The following DPP6 variants were observed in gnomAD, a reference collection of about 807,000 sequenced individuals.
DPP6 encodes the protein dipeptidyl peptidase like 6.
Under a neutral mutation model 122.6 loss-of-function variants are expected in DPP6, and 69 were observed. The observed-to-expected ratio is 0.56, with a 90% confidence interval of 0.46 to 0.69. The LOEUF (loss-of-function observed/expected upper bound fraction) is 0.69. Ranked by LOEUF, DPP6 falls within the 30% of genes least tolerant of loss-of-function variation. The probability of loss-of-function intolerance (pLI) is 0.00; values close to 1 mark genes in which losing one functional copy is unlikely to be tolerated. For missense variants in DPP6, 928 were observed against 1,116.9 expected, an observed-to-expected ratio of 0.83 and a Z score of 2.41; for synonymous variants, 418 against 433.1, an observed-to-expected ratio of 0.97 and a Z score of 0.43.
intron 1 of DPP6, among the ~76,000 whole-genome samples, chr7:153,928,018 C>T (rs747858123): frequency 7.9e-5 from 12 of 152,136 alleles, no homozygotes; most frequent in African/African-American, 1.2e-4. Flanking sequence ...CTTTCTCTTG[C>T]GCTGTCTCCC....
chr7:154,124,992 G>GGTGT (rs938329234), intron 1 of DPP6, among the ~76,000 whole-genome samples: 1 of 152,130 alleles, frequency 6.6e-6, no homozygotes, highest in East Asian at 1.9e-4. Context: ...AGGGGGCTGA[G>GGTGT]GTGTGTGTGT....
At chr7:154,671,459 C>T (rs992223528) in intron 7 of DPP6, among the ~76,000 whole-genome samples, 14 of 152,318 alleles carry the variant, frequency 9.2e-5, no homozygotes, top group Admixed American at 7.2e-4. Flanking sequence ...ACCATACCTG[C>T]GGCCTCGCTT....
chr7:153,956,465 C>T (rs978544602), intron 1 of DPP6, among the ~76,000 whole-genome samples: 2 of 152,114 alleles, frequency 1.3e-5, no homozygotes, highest in Non-Finnish European at 2.9e-5. Flanking sequence ...GCATAGAAAG[C>T]CCAGGTGATA....
intron 1 of DPP6, chr7:154,305,596 G>T: frequency 6.4e-7 from 1 of 1,558,234 alleles, no homozygotes; most frequent in Non-Finnish European, 8.7e-7. Flanking sequence ...GTGCGTGCGT[G>T]TGCATGCGTG....
intron 1 of DPP6, among the ~76,000 whole-genome samples, chr7:154,233,477 C>A (rs1290498500): frequency 6.6e-6 from 1 of 152,086 alleles, no homozygotes; most frequent in African/African-American, 2.4e-5. Flanking sequence ...GGGGTCTTTA[C>A]CAAGGTAATC....
intron 3 of DPP6, among the ~76,000 whole-genome samples, chr7:154,488,672 G>C (rs1347737304): frequency 6.6e-6 from 1 of 151,614 alleles, no homozygotes; most frequent in Non-Finnish European, 1.5e-5. Context: ...AGCATCCCGT[G>C]AAAGACAGGC....
At chr7:154,328,890 C>T (rs1434194750) in intron 1 of DPP6, among the ~76,000 whole-genome samples, 1 of 152,310 alleles carries the variant, frequency 6.6e-6, no homozygotes, top group Middle Eastern at 3.4e-3. Flanking sequence ...ATGGACATGA[C>T]CAGATCCACA....
chr7:154,458,301 A>C (rs1328277130), intron 2 of DPP6, among the ~76,000 whole-genome samples: 1 of 152,182 alleles, frequency 6.6e-6, no homozygotes, highest in East Asian at 1.9e-4. Flanking sequence ...TATAAAAGGC[A>C]GTTCCCCTGC....
chr7:153,934,628 G>A (rs1450380714), intron 1 of DPP6, among the ~76,000 whole-genome samples: 1 of 152,182 alleles, frequency 6.6e-6, no homozygotes, highest in Admixed American at 6.5e-5. Flanking sequence ...AAGGATCACT[G>A]CACCTGTGTG....
Position 154,618,893 on chromosome 7 carries a change from T to C in DPP6, c.628-18928T>C, listed in dbSNP as rs1334227721. The stretch of plus-strand genomic sequence containing the variant: ...GTCCCCACCCAAATCTCATCTTGAA[T>C]TGTAGCTCCCATTATCCCTACATGT... On this transcript the variant is annotated intron_variant, in intron 5 of 25. Coordinates refer to ENST00000377770, the MANE Select transcript of DPP6 (RefSeq NM_130797.4). The surrounding 1 kb of genome is among the most constrained non-coding windows in gnomAD (Gnocchi z 4.1). Among the ~76,000 whole-genome samples the C allele has an allele frequency of 6.6e-6, 1 of 152,192 alleles. No homozygotes were observed. The highest frequency in any genetic ancestry group is 1.5e-5 in the Non-Finnish European group (1 of 68,040).
intron 11 of DPP6, among the ~76,000 whole-genome samples, chr7:154,795,210 C>G (rs1001035451): frequency 6.6e-6 from 1 of 152,194 alleles, no homozygotes; most frequent in African/African-American, 2.4e-5. Context: ...CCTGCTATAA[C>G]CCATGACAGA....
At position 154,253,106 on chromosome 7, in the gene DPP6, G is replaced by A. The variant is rs1304082335; in HGVS notation, c.244-193108G>A. 2.0e-5 allele frequency among the ~76,000 whole-genome samples: 3 copies of A among 152,148 alleles called. No homozygotes were observed. The East Asian group carries it at 5.8e-4, about 29-fold the overall frequency. On this transcript the variant is annotated intron_variant, in intron 1 of 25. Transcript: ENST00000377770. The stretch of plus-strand genomic sequence containing the variant: ...TATACAATTAATTCCAAGGCCAAAG[G>A]GAGTGAGTGACATAGAGCGATCACA...
the DPP6 span, among the ~76,000 whole-genome samples, chr7:153,877,614 G>T: frequency 4.4e-3 from 670 of 152,266 alleles, 3 homozygotes; most frequent in African/African-American, 0.015. Flanking sequence ...TGACTGAAAT[G>T]TTATGTCATG....
intron 1 of DPP6, among the ~76,000 whole-genome samples, chr7:154,394,355 C>G (rs1202967552): frequency 3.3e-5 from 5 of 152,112 alleles, no homozygotes; most frequent in Non-Finnish European, 5.9e-5. Context: ...TGTTGAGCAT[C>G]ATTTCATATG....
rs60726989 is a variant in DPP6, at chr7:154,033,848, G to GT, written c.51+146121dup. Among the ~76,000 whole-genome samples, 12 of 151,508 alleles carry GT rather than the reference G, an allele frequency of 7.9e-5. No homozygotes were observed. The East Asian group carries it at 1.6e-3, about 20-fold the overall frequency. On this transcript the variant is annotated intron_variant, in intron 1 of 25. Coordinates refer to the DPP6 transcript ENST00000404039. ...CACTCCTCTGCACACAAGAACAAGT[G>GT]TTTTTTTCTTACAAATAACCACTTT...
intron 3 of DPP6, among the ~76,000 whole-genome samples, chr7:154,480,526 T>G (rs989273718): frequency 6.6e-6 from 1 of 152,186 alleles, no homozygotes; most frequent in African/African-American, 2.4e-5. Flanking sequence ...CTCATGGGCA[T>G]CTCCTTTGCA....
chr7:153,994,318 T>C (rs1797331213), intron 1 of DPP6, among the ~76,000 whole-genome samples: 1 of 151,864 alleles, frequency 6.6e-6, no homozygotes, highest in Non-Finnish European at 1.5e-5. Context: ...GCCAACCCCA[T>C]CAATTTTCAA....
intron 9 of DPP6, among the ~76,000 whole-genome samples, chr7:154,771,464 A>G (rs558787210): frequency 6.6e-6 from 1 of 152,294 alleles, no homozygotes; most frequent in Non-Finnish European, 1.5e-5. Context: ...GTGGACATGG[A>G]TCTCATCACA....
chr7:154,073,042 G>C (rs1803239813), intron 1 of DPP6, among the ~76,000 whole-genome samples: 1 of 152,210 alleles, frequency 6.6e-6, no homozygotes, highest in East Asian at 1.9e-4. Context: ...TCCCCGTTTT[G>C]CTGCCATCTC....
Sources: allele counts gnomAD v4.1 joint callset (sites outside exome capture counted in the v4.1 genomes callset), GRCh38; gene constraint gnomAD v4.1.1; non-coding constraint Gnocchi (gnomAD v3.1); transcripts MANE v1.5; gene names NCBI Gene and HGNC (gene_info 2026-07-23, HGNC 2026-07-21).